The following VEPH1 variants were observed in gnomAD, a reference collection of about 807,000 sequenced individuals.
VEPH1 encodes the protein ventricular zone-expressed PH domain-containing protein homolog 1.
In VEPH1, 80 loss-of-function variants were observed where a neutral mutation model predicts 85.2. The ratio of observed to expected loss-of-function variants is 0.94; its 90% CI spans 0.78 to 1.13. The LOEUF (loss-of-function observed/expected upper bound fraction) is 1.13, where lower values mean the gene tolerates loss of function less well. Ranked by LOEUF, VEPH1 falls within the 50% of genes most tolerant of loss-of-function variation. The pLI is 0.00. For missense variants in VEPH1, 955 were observed against 980.5 expected, an observed-to-expected ratio of 0.97 and a Z score of 0.35; for synonymous variants, 297 against 348.0, an observed-to-expected ratio of 0.85 and a Z score of 1.63.
intron 7 of VEPH1, among the ~76,000 whole-genome samples, chr3:157,372,902 C>T (rs1006700317): frequency 3.3e-5 from 5 of 152,270 alleles, no homozygotes; most frequent in African/African-American, 1.2e-4. Flanking sequence ...TATCTGCAAT[C>T]GCTTCATCAC....
chr3:157,415,077 T>A (rs1332711049), intron 5 of VEPH1: 1 of 152,254 alleles, frequency 6.6e-6, no homozygotes. Context: ...TTCTCATAAA[T>A]GACACCATTA....
At chr3:157,321,331 T>C (rs1040060963) in intron 9 of VEPH1, among the ~76,000 whole-genome samples, 7 of 152,192 alleles carry the variant, frequency 4.6e-5, no homozygotes, top group African/African-American at 1.7e-4. Context: ...ACTGCCAGAC[T>C]ATAAGTATTT....
At chr3:157,455,800 T>C (rs191922321) in intron 4 of VEPH1, among the ~76,000 whole-genome samples, 34 of 152,306 alleles carry the variant, frequency 2.2e-4, no homozygotes, top group Non-Finnish European at 4.6e-4. Flanking sequence ...TGTATAGGTA[T>C]CACATTTTCT....
chr3:157,381,709 A>G, intron 6 of VEPH1: 1 of 225,268 alleles, frequency 4.4e-6, no homozygotes, highest in Non-Finnish European at 8.8e-6. Context: ...ACAGAGGGAG[A>G]CTCGGTCTCA....
intron 11 of VEPH1, among the ~76,000 whole-genome samples, chr3:157,310,218 C>G (rs1483023369): frequency 6.6e-6 from 1 of 152,224 alleles, no homozygotes; most frequent in Non-Finnish European, 1.5e-5. Context: ...GGTTCATCTT[C>G]CTACCTCCAC....
intron 2 of VEPH1, chr3:157,493,053 C>T (rs1477087425): frequency 3.4e-6 from 1 of 298,434 alleles, no homozygotes; most frequent in Admixed American, 4.7e-5. Context: ...CTCTCCCCCA[C>T]CACTGATAGG....
chr3:157,342,803 A>G (rs2108656506), intron 9 of VEPH1, among the ~76,000 whole-genome samples: 1 of 152,346 alleles, frequency 6.6e-6, no homozygotes, highest in South Asian at 2.1e-4. Context: ...CAAATGTAAA[A>G]GAACAGAAAT....
intron 12 of VEPH1, among the ~76,000 whole-genome samples, chr3:157,275,127 T>A (rs1280015988): frequency 6.6e-6 from 1 of 152,248 alleles, no homozygotes; most frequent in African/African-American, 2.4e-5. Context: ...CTTTTTGGCT[T>A]ATGCCAGTTT....
intron 7 of VEPH1, 70 bp downstream of exon 7, chr3:157,381,086 C>A: frequency 6.6e-7 from 1 of 1,510,614 alleles, no homozygotes; most frequent in Non-Finnish European, 9.2e-7. Context: ...GTTAGAGAGG[C>A]TTAACTGTCT....
chr3:157,342,522 T>A (rs1026879524), intron 9 of VEPH1, among the ~76,000 whole-genome samples: 15 of 152,210 alleles, frequency 9.9e-5, no homozygotes, highest in Admixed American at 2.0e-4. Flanking sequence ...CTCAGGTTCA[T>A]AAAGCAAGTC....
chr3:157,381,538 T>A, intron 6 of VEPH1, 162 bp from the exon 7 acceptor site: 1 of 640,950 alleles, frequency 1.6e-6, no homozygotes, highest in Non-Finnish European at 2.7e-6. Flanking sequence ...GGCAACATGG[T>A]AACACCCCAT....
At chr3:157,284,742 A>G (rs920707085) in intron 12 of VEPH1, among the ~76,000 whole-genome samples, 1 of 151,964 alleles carries the variant, frequency 6.6e-6, no homozygotes, top group Non-Finnish European at 1.5e-5. Context: ...AAAGGAAATG[A>G]GCAAAGAAAT....
chr3:157,277,331 A>G (rs1715528339), intron 12 of VEPH1, among the ~76,000 whole-genome samples: 1 of 152,196 alleles, frequency 6.6e-6, no homozygotes, highest in South Asian at 2.1e-4. Flanking sequence ...TTAGTTTTAA[A>G]TGTTGAGCAC....
intron 2 of VEPH1, among the ~76,000 whole-genome samples, chr3:157,482,068 T>C (rs1228991250): frequency 1.3e-5 from 2 of 152,192 alleles, no homozygotes; most frequent in African/African-American, 4.8e-5. Flanking sequence ...GTCTTAGTTA[T>C]TGTAGCCTTA....
chr3:157,295,600 G>GATAAGCA (rs3024241), intron 11 of VEPH1, among the ~76,000 whole-genome samples: 1 of 34,478 alleles, frequency 2.9e-5, no homozygotes, highest in Non-Finnish European at 5.7e-5. Context: ...ACAGCAGAGA[G>GATAAGCA]CTGGTGTTGG....
chr3:157,317,185 A>C lies in VEPH1; in HGVS notation c.1752T>G (p.Cys584Trp), dbSNP rs773713324. The change falls in exon 10 of 14, where the codon TGT (cysteine) becomes TGG (tryptophan). Residue 584 changes from cysteine (C) to tryptophan (W), a missense_variant. Coordinates refer to ENST00000362010, the MANE Select transcript of VEPH1 (RefSeq NM_001167912.2). Reference sequence around the variant, plus strand: ...AGCAGGTGAAGAACAACTTTGCTACACAACTTCTCACAGTGTCTAGAAACA... The same window carrying C: ...AGCAGGTGAAGAACAACTTTGCTACCCAACTTCTCACAGTGTCTAGAAACA... ...QCTIEDTVRS[C>W]VAKLFFTCSL... 6.2e-7 allele frequency: 1 copy of C among 1,611,588 alleles called. No homozygotes were observed. The highest frequency in any genetic ancestry group is 8.5e-7 in the Non-Finnish European group (1 of 1,178,902).
At chr3:157,383,099 G>A (rs1728944322) in intron 6 of VEPH1, among the ~76,000 whole-genome samples, 1 of 152,132 alleles carries the variant, frequency 6.6e-6, no homozygotes, top group Non-Finnish European at 1.5e-5. Context: ...AAAATGCTAG[G>A]ATTACAGGCG....
At chr3:157,313,586 TGGC>T in intron 11 of VEPH1, 32 bp downstream of exon 11, 1 of 1,605,588 alleles carries the variant, frequency 6.2e-7, no homozygotes, top group Non-Finnish European at 8.5e-7. Context: ...TCTTAAATCT[TGGC>T]CTGTAACATG....
intron 2 of VEPH1, among the ~76,000 whole-genome samples, chr3:157,483,371 T>A (rs1738314088): frequency 6.6e-6 from 1 of 152,058 alleles, no homozygotes; most frequent in Admixed American, 6.6e-5. Context: ...AACTTAAAAA[T>A]TTAATATTAC....
Sources: allele counts gnomAD v4.1 joint callset (sites outside exome capture counted in the v4.1 genomes callset), GRCh38; gene constraint gnomAD v4.1.1; transcripts MANE v1.5; gene names NCBI Gene and HGNC (gene_info 2026-07-23, HGNC 2026-07-21).